The following MYO9A variants were observed in gnomAD, a reference collection of about 807,000 sequenced individuals.
MYO9A encodes the protein myosin IXA.
A neutral mutation model predicts 293.3 loss-of-function variants in MYO9A; 103 were observed. The observed-to-expected ratio is 0.35, with a 90% CI of 0.30 to 0.41. MYO9A has a LOEUF of 0.41. Among genes scored for constraint, MYO9A ranks in the 10% least tolerant of loss-of-function variants. The pLI, the probability that MYO9A is intolerant of heterozygous loss-of-function variation, is 1.00. For synonymous variants in MYO9A, 1,001 were observed against 1,035.7 expected, an observed-to-expected ratio of 0.97 and a Z score of 0.64; for missense variants, 2,685 against 3,033.0, an observed-to-expected ratio of 0.89 and a Z score of 2.69.
chr15:71,962,594 G>A (rs2075772957), intron 13 of MYO9A, among the ~76,000 whole-genome samples: 1 of 152,138 alleles, frequency 6.6e-6, no homozygotes, highest in Admixed American at 6.5e-5. Flanking sequence ...CAGACAAGCT[G>A]TGAGGCATGA....
intron 2 of MYO9A, among the ~76,000 whole-genome samples, chr15:72,040,732 T>C (rs1235599509): frequency 6.6e-6 from 1 of 152,024 alleles, no homozygotes; most frequent in Non-Finnish European, 1.5e-5. Flanking sequence ...TACATTTCTT[T>C]CTACAATGAT....
At chr15:71,929,623 G>C (rs532198353) in intron 18 of MYO9A, among the ~76,000 whole-genome samples, 1 of 152,034 alleles carries the variant, frequency 6.6e-6, no homozygotes, top group South Asian at 2.1e-4. Context: ...TTCTTGTATC[G>C]CAAGAATAAA....
intron 28 of MYO9A, among the ~76,000 whole-genome samples, chr15:71,881,678 T>A (rs2056877110): frequency 6.6e-6 from 1 of 152,140 alleles, no homozygotes; most frequent in Non-Finnish European, 1.5e-5. Context: ...AGGCCTACCT[T>A]AATACATTTT....
At chr15:71,859,371 T>G (rs1471141875) in intron 34 of MYO9A, among the ~76,000 whole-genome samples, 1 of 152,236 alleles carries the variant, frequency 6.6e-6, no homozygotes, top group Non-Finnish European at 1.5e-5. Context: ...TACTCATGTT[T>G]AAATTTGTTC....
At chr15:72,071,476 C>G (rs756428704) in intron 1 of MYO9A, among the ~76,000 whole-genome samples, 1 of 152,216 alleles carries the variant, frequency 6.6e-6, no homozygotes, top group Non-Finnish European at 1.5e-5. Flanking sequence ...CGCAGTGGCT[C>G]ACGCCTGTAA....
intron 8 of MYO9A, among the ~76,000 whole-genome samples, chr15:72,004,501 G>A (rs1481071044): frequency 4.6e-5 from 7 of 152,080 alleles, no homozygotes; most frequent in African/African-American, 1.7e-4. Flanking sequence ...AGGTTGCAGT[G>A]AGCCAAGATT....
chr15:71,961,368 T>A (rs979058724), intron 13 of MYO9A, among the ~76,000 whole-genome samples: 1 of 152,064 alleles, frequency 6.6e-6, no homozygotes, highest in African/African-American at 2.4e-5. Flanking sequence ...AAAGGAAAGT[T>A]ATGAGGATAA....
intron 8 of MYO9A, among the ~76,000 whole-genome samples, chr15:72,004,412 C>G (rs758820236): frequency 1.3e-5 from 2 of 152,066 alleles, no homozygotes; most frequent in Non-Finnish European, 2.9e-5. Context: ...ACAAAATTAG[C>G]CGGGCATGGT....
At chr15:72,103,379 AAGC>A (rs955731367) in intron 1 of MYO9A, among the ~76,000 whole-genome samples, 9 of 150,006 alleles carry the variant, frequency 6.0e-5, no homozygotes, top group Admixed American at 3.3e-4. Flanking sequence ...GCAGAAGCAG[AAGC>A]AGCAGCAGCA....
At chr15:71,863,476 A>T (rs1478859574) in intron 32 of MYO9A, among the ~76,000 whole-genome samples, 2 of 152,092 alleles carry the variant, frequency 1.3e-5, no homozygotes, top group Non-Finnish European at 2.9e-5. Context: ...AAATAGTGGC[A>T]AAAGGGGTAT....
rs965399350 is a variant in MYO9A, at chr15:71,928,293, A to G, written c.2562+5377T>C. ...GGGGTTTCACCTTGTTAGCCAGGAT[A>G]GTCTCGATCTCCTGACCTCATGATC... is the stretch of plus-strand genomic sequence containing the variant. On this transcript the variant is annotated intron_variant, in intron 18 of 41. Coordinates refer to ENST00000356056, the MANE Select transcript of MYO9A (RefSeq NM_006901.4). 7.3e-5 allele frequency among the ~76,000 whole-genome samples: 11 copies of G among 149,878 alleles called. No individual in the cohort carries two copies. In the South Asian group the frequency reaches 2.3e-3, roughly 32 times the overall value.
intron 1 of MYO9A, among the ~76,000 whole-genome samples, chr15:72,097,582 T>C (rs2080105259): frequency 6.6e-6 from 1 of 152,154 alleles, no homozygotes; most frequent in African/African-American, 2.4e-5. Context: ...AAACTGAACT[T>C]AAATATATCA....
At chr15:71,991,654 G>A (rs956343732) in intron 10 of MYO9A, among the ~76,000 whole-genome samples, 2 of 152,164 alleles carry the variant, frequency 1.3e-5, no homozygotes, top group African/African-American at 4.8e-5. Flanking sequence ...TTCCTATTTC[G>A]ACTTCTACAT....
chr15:71,984,816 ATTTT>A (rs1015536653), intron 11 of MYO9A, among the ~76,000 whole-genome samples: 3 of 152,112 alleles, frequency 2.0e-5, no homozygotes, highest in African/African-American at 7.2e-5. Flanking sequence ...ATTGCACCTT[ATTTT>A]TTAAAATTTC....
intron 39 of MYO9A, among the ~76,000 whole-genome samples, chr15:71,833,415 A>C (rs1483146586): frequency 2.6e-5 from 4 of 152,150 alleles, no homozygotes; most frequent in Non-Finnish European, 4.4e-5. Context: ...ACAAAGGTTC[A>C]TATTATGAAG....
Position 72,048,049 on chromosome 15 carries a change from C to T in MYO9A, c.-71-1415G>A, listed in dbSNP as rs778136039. On this transcript the variant is annotated intron_variant, in intron 1 of 41. Coordinates refer to ENST00000356056, the MANE Select transcript of MYO9A (RefSeq NM_006901.4). ...CTTCTAATCAAGAAACTATTTTTTC[C>T]TGTTTGCCTAGATGGTCTTTCAAAC... Among the ~76,000 whole-genome samples, 43 of 151,540 alleles carry T rather than the reference C, an allele frequency of 2.8e-4. 1 individual carries two copies. Among genetic ancestry groups the T allele is most frequent in the Non-Finnish European group, 6.2e-4 (42 of 67,880 alleles).
rs958135884 is a variant in MYO9A at position 71,933,811 on chromosome 15, A to T, written c.2523-102T>A. ...TTCAAGGTCTCTCCTAAAACAACAGATTATATACCCATTACCAAGACTGTA... is the reference window on the plus strand; with the variant it reads ...TTCAAGGTCTCTCCTAAAACAACAGTTTATATACCCATTACCAAGACTGTA... On this transcript the variant is annotated intron_variant, in intron 17 of 41. Coordinates refer to ENST00000356056, the MANE Select transcript of MYO9A (RefSeq NM_006901.4). 5.3e-6 allele frequency: 5 copies of T among 940,246 alleles called. No homozygotes were observed. The Admixed American group carries it at 9.7e-5, about 18-fold the overall frequency. The allele number at this position is 940,246 out of a possible 1,614,324, so 58.2% of individuals were successfully genotyped here. A position where few individuals can be genotyped will look rare whatever the true frequency, so the allele number is the denominator to read the frequency against.
rs2143243204 is a variant in MYO9A, at chr15:71,898,966, C to T, written c.3537G>A (p.Lys1179=). The T allele has an allele frequency of 6.2e-7, 1 of 1,613,804 alleles. No homozygotes were observed. Among genetic ancestry groups the T allele is most frequent in the Non-Finnish European group, 8.5e-7 (1 of 1,179,734 alleles). Residue 1179 remains lysine (K), a synonymous_variant, in exon 25 of 42, where the codon AAG becomes AAA. Coordinates refer to ENST00000356056, the MANE Select transcript of MYO9A (RefSeq NM_006901.4). The part of the protein sequence containing the change: ...TKPEVGLVNI[K]GYGSLEIQGS... ...CCTGAATTTCCAGAGATCCATATCC[C>T]TTAATATTCACCAATCCAACTTCTG...
intron 1 of MYO9A, among the ~76,000 whole-genome samples, chr15:72,061,384 C>CT (rs1322533937): frequency 2.0e-5 from 3 of 152,152 alleles, no homozygotes; most frequent in African/African-American, 7.2e-5. Flanking sequence ...TAAGCAAACT[C>CT]TTAAAGTCCC....
Sources: gnomAD v4.1 joint callset for allele counts (sites outside exome capture counted in the v4.1 genomes callset) on GRCh38, gnomAD v4.1.1 for gene constraint, MANE v1.5 for transcripts, NCBI Gene and HGNC (gene_info 2026-07-23, HGNC 2026-07-21) for gene names.